The following PTPRD variants were observed in gnomAD, a reference collection of about 807,000 sequenced individuals.
PTPRD encodes protein tyrosine phosphatase receptor type D.
In PTPRD, 34 loss-of-function variants were observed where a neutral mutation model predicts 214.5. That is an observed-to-expected ratio of 0.16 (90% CI 0.12 to 0.21). The LOEUF is 0.21. PTPRD is among the 10% of genes least tolerant of loss of function. The probability of loss-of-function intolerance (pLI) is 1.00; values close to 1 mark genes in which losing one functional copy is unlikely to be tolerated. For missense variants in PTPRD, 2,545 were observed against 2,398.7 expected (o/e 1.06, Z -1.27); for synonymous variants, 1,128 against 845.7 (o/e 1.33, Z -5.79).
chr9:10,061,159 A>G (rs1400270947), intron 3 of PTPRD, among the ~76,000 whole-genome samples: 1 of 151,872 alleles, frequency 6.6e-6, no homozygotes, highest in African/African-American at 2.4e-5. Context: ...ATACTTGCTC[A>G]TTTAAGTTAC....
At chr9:8,427,184 T>C (rs1025219356) in intron 35 of PTPRD, among the ~76,000 whole-genome samples, 2 of 152,186 alleles carry the variant, frequency 1.3e-5, no homozygotes, top group Non-Finnish European at 2.9e-5. Context: ...CAGTAGGTAC[T>C]TTTGAGTTAA....
intron 2 of PTPRD, among the ~76,000 whole-genome samples, chr9:10,449,087 C>CGCTCCCTCGTCT (rs1237934947): frequency 6.6e-6 from 1 of 151,936 alleles, no homozygotes; most frequent in African/African-American, 2.4e-5. Context: ...CCTCTGATGC[C>CGCTCCCTCGTCT]CAGCCGAGGC....
At chr9:10,356,605 A>C (rs2097282258) in intron 2 of PTPRD, among the ~76,000 whole-genome samples, 1 of 152,158 alleles carries the variant, frequency 6.6e-6, no homozygotes, top group Non-Finnish European at 1.5e-5. Context: ...TTTTACCTTA[A>C]ATCTTATTTT....
At chr9:10,050,370 C>T (rs987770199) in intron 3 of PTPRD, among the ~76,000 whole-genome samples, 2 of 151,048 alleles carry the variant, frequency 1.3e-5, no homozygotes, top group African/African-American at 4.9e-5. Flanking sequence ...CCAGCCTGGC[C>T]AATATGGTGA....
At chr9:10,479,211 G>A (rs1158364472) in intron 2 of PTPRD, among the ~76,000 whole-genome samples, 1 of 152,088 alleles carries the variant, frequency 6.6e-6, no homozygotes, top group Non-Finnish European at 1.5e-5. Flanking sequence ...GGCACATTCT[G>A]TTACATGATA....
chr9:8,436,088 G>T (rs2095336057), intron 35 of PTPRD, among the ~76,000 whole-genome samples: 1 of 152,068 alleles, frequency 6.6e-6, no homozygotes, highest in Non-Finnish European at 1.5e-5. Context: ...GTATATTCTA[G>T]GAACTGAAAA....
chr9:9,348,437 C>T (rs977455439), intron 9 of PTPRD, among the ~76,000 whole-genome samples: 12 of 152,058 alleles, frequency 7.9e-5, no homozygotes, highest in East Asian at 1.9e-4. Context: ...ATTCCTTTGA[C>T]GTTATCTCTT....
chr9:9,082,552 G>T (rs984975193), intron 10 of PTPRD, among the ~76,000 whole-genome samples: 3 of 152,110 alleles, frequency 2.0e-5, no homozygotes, highest in Non-Finnish European at 2.9e-5. Flanking sequence ...TTCCGGCCAG[G>T]GAAATCAGGC....
chr9:8,331,152 T>C (rs1257807283), intron 44 of PTPRD, among the ~76,000 whole-genome samples: 2 of 148,548 alleles, frequency 1.3e-5, no homozygotes, highest in South Asian at 2.1e-4. Flanking sequence ...TAAGCACTTA[T>C]TGACTGGCAG....
At chr9:9,558,475 A>G (rs79636973) in intron 8 of PTPRD, among the ~76,000 whole-genome samples, 1,983 of 152,292 alleles carry the variant, frequency 0.013, 40 homozygotes, top group African/African-American at 0.045. Context: ...TTTGTCACAC[A>G]GGCCTGCCAT....
In PTPRD at chr9:8,325,627, A is replaced by C. The variant is rs202197739; in HGVS notation, c.5535-5661T>G. ...TTTTTCCCATTCTGTGAAGAAAGTC[A>C]TTGGTAGCTTGATGGGGATGGCATT... On this transcript the variant is annotated intron_variant, in intron 44 of 45. Transcript: ENST00000381196. Among the ~76,000 whole-genome samples the C allele has an allele frequency of 3.1e-4, 47 of 151,146 alleles. No homozygotes were observed. In the East Asian group the frequency reaches 4.7e-3, roughly 15 times the overall value.
chr9:9,133,948 A>C (rs974567007), intron 10 of PTPRD, among the ~76,000 whole-genome samples: 6 of 151,602 alleles, frequency 4.0e-5, no homozygotes, highest in Non-Finnish European at 8.8e-5. Flanking sequence ...ACTCTAATAG[A>C]TCTCTCAGAC....
At chr9:10,496,180 T>A (rs896457978) in intron 2 of PTPRD, among the ~76,000 whole-genome samples, 2 of 151,838 alleles carry the variant, frequency 1.3e-5, no homozygotes, top group African/African-American at 2.4e-5. Context: ...AAAAATGTAT[T>A]TAATGCAGAC....
At chr9:9,204,243 G>C (rs539949690) in intron 9 of PTPRD, among the ~76,000 whole-genome samples, 3 of 152,270 alleles carry the variant, frequency 2.0e-5, no homozygotes, top group African/African-American at 4.8e-5. Flanking sequence ...TAGTAAATAT[G>C]CACAGGCCTT....
chr9:9,097,505 T>C (rs1288878883), intron 10 of PTPRD, among the ~76,000 whole-genome samples: 1 of 151,860 alleles, frequency 6.6e-6, no homozygotes, highest in Non-Finnish European at 1.5e-5. Context: ...GCCGCCCGGA[T>C]TCAAGCCATT....
At chr9:10,239,538 T>G (rs905851956) in intron 3 of PTPRD, among the ~76,000 whole-genome samples, 5 of 151,644 alleles carry the variant, frequency 3.3e-5, no homozygotes, top group Middle Eastern at 6.8e-3. Flanking sequence ...TTCCAGGTAG[T>G]GAAAGGGAAT....
chr9:9,118,785 C>T (rs888543844), intron 10 of PTPRD, among the ~76,000 whole-genome samples: 1 of 151,942 alleles, frequency 6.6e-6, no homozygotes, highest in Admixed American at 6.6e-5. Flanking sequence ...ATTTCAATTC[C>T]AAATGATCAG....
At chr9:8,716,454 C>T (rs1406556738) in intron 12 of PTPRD, among the ~76,000 whole-genome samples, 1 of 152,200 alleles carries the variant, frequency 6.6e-6, no homozygotes, top group East Asian at 1.9e-4. Context: ...GCTGCCAATT[C>T]TTACATTTCC....
chr9:9,220,291 C>G (rs1380648259), intron 9 of PTPRD, among the ~76,000 whole-genome samples: 2 of 129,790 alleles, frequency 1.5e-5, no homozygotes, highest in Non-Finnish European at 3.1e-5. Flanking sequence ...TCTTTACTTT[C>G]TTAATAAACT....
Sources: allele counts gnomAD v4.1 joint callset (sites outside exome capture counted in the v4.1 genomes callset), GRCh38; gene constraint gnomAD v4.1.1; transcripts MANE v1.5; gene names NCBI Gene and HGNC (gene_info 2026-07-23, HGNC 2026-07-21).